The following NR6A1 variants were observed in gnomAD, a reference collection of about 807,000 sequenced individuals.
The protein encoded by NR6A1 is retinoic acid receptor-related testis-associated receptor.
A neutral mutation model predicts 59.1 loss-of-function variants in NR6A1; 7 were observed. The observed-to-expected ratio is 0.12, with a 90% CI of 0.07 to 0.22. NR6A1 has a LOEUF of 0.22. NR6A1 is among the 10% of genes least tolerant of loss of function. NR6A1 has a pLI of 1.00. For synonymous variants in NR6A1, 243 were observed against 236.1 expected, an observed-to-expected ratio of 1.03 and a Z score of -0.27; for missense variants, 468 against 611.6, an observed-to-expected ratio of 0.77 and a Z score of 2.48.
chr9:124,641,538 C>CA (rs929122747), intron 2 of NR6A1, among the ~76,000 whole-genome samples: 1 of 150,020 alleles, frequency 6.7e-6, no homozygotes, highest in Non-Finnish European at 1.5e-5. Context: ...TCCATCTCTA[C>CA]AAAAAATAAA....
rs1834515611 is a variant in NR6A1 at position 124,573,769 on chromosome 9, A to G, written c.143-19199T>C. ...TACATATACAATGGAATAAGCAATCACTTAAAAAGGATAAGACACATCTCA... is the reference window on the plus strand; with the variant it reads ...TACATATACAATGGAATAAGCAATCGCTTAAAAAGGATAAGACACATCTCA... On this transcript the variant is annotated intron_variant, in intron 2 of 9. Coordinates refer to ENST00000487099, the MANE Select transcript of NR6A1 (RefSeq NM_033334.4). 2.0e-5 allele frequency among the ~76,000 whole-genome samples: 3 copies of G among 152,342 alleles called. No homozygotes were observed. In the South Asian group the frequency reaches 6.2e-4, roughly 32 times the overall value.
In NR6A1 at chr9:124,720,065, G is replaced by C. The variant is rs150381834; in HGVS notation, c.142+13243C>G. On this transcript the variant is annotated intron_variant, in intron 2 of 9. Coordinates refer to ENST00000487099, the MANE Select transcript of NR6A1 (RefSeq NM_033334.4). Reference sequence around the variant, plus strand: ...CTCTTGAACGTTTTTGGGTTTTTTTGAAATGCAGTTTTGCTCTTGTCACCC... The same window carrying C: ...CTCTTGAACGTTTTTGGGTTTTTTTCAAATGCAGTTTTGCTCTTGTCACCC... Among the ~76,000 whole-genome samples the C allele has an allele frequency of 5.5e-3, 841 of 152,058 alleles. 7 individuals are homozygous for C. Among genetic ancestry groups the C allele is most frequent in the African/African-American group, 0.019 (799 of 41,494 alleles).
At chr9:124,753,402 A>G (rs2131178602) in intron 1 of NR6A1, among the ~76,000 whole-genome samples, 1 of 152,334 alleles carries the variant, frequency 6.6e-6, no homozygotes, top group East Asian at 1.9e-4. Context: ...TTTTAAAATA[A>G]ATGTTGGGTT....
intron 2 of NR6A1, among the ~76,000 whole-genome samples, chr9:124,680,813 T>C (rs1451854633): frequency 6.6e-6 from 1 of 152,224 alleles, no homozygotes; most frequent in Non-Finnish European, 1.5e-5. Flanking sequence ...GTCAAAACTA[T>C]TTCTATACTA....
chr9:124,735,883 C>A (rs1489517671), intron 1 of NR6A1, among the ~76,000 whole-genome samples: 1 of 152,164 alleles, frequency 6.6e-6, no homozygotes, highest in Non-Finnish European at 1.5e-5. Context: ...TCTTTAGGGT[C>A]TCTCTTATAA....
At chr9:124,769,528 T>C (rs1270486211) in intron 1 of NR6A1, among the ~76,000 whole-genome samples, 2 of 152,254 alleles carry the variant, frequency 1.3e-5, no homozygotes, top group Admixed American at 1.3e-4. Context: ...CAGGTCACTG[T>C]CCTGATTGAG....
rs532338656 is a variant in NR6A1 at position 124,560,926 on chromosome 9, C to G, written c.143-6356G>C. Among the ~76,000 whole-genome samples, 12 of 152,174 alleles carry G rather than the reference C, an allele frequency of 7.9e-5. No individual in the cohort carries two copies. The East Asian group carries it at 2.3e-3, about 29-fold the overall frequency. Reference sequence around the variant, plus strand: ...GACTGGGATTAGGTGAACAGACATACACTGCAATCAAGGGGACAGGCTTGG... The same window carrying G: ...GACTGGGATTAGGTGAACAGACATAGACTGCAATCAAGGGGACAGGCTTGG... On this transcript the variant is annotated intron_variant, in intron 2 of 9. Transcript: ENST00000487099.
chr9:124,540,287 C>T, intron 4 of NR6A1, 100 bp from the exon 5 acceptor site: 1 of 1,305,014 alleles, frequency 7.7e-7, no homozygotes, highest in Non-Finnish European at 1.0e-6. Context: ...TTCCCAGAAA[C>T]CTAGGTTCCC....
intron 2 of NR6A1, among the ~76,000 whole-genome samples, chr9:124,613,614 G>A (rs1222968385): frequency 6.6e-6 from 1 of 152,116 alleles, no homozygotes; most frequent in African/African-American, 2.4e-5. Flanking sequence ...TGAGGCGTGA[G>A]CAAGCCACTT....
chr9:124,533,739 T>A (rs1833165644), intron 7 of NR6A1, among the ~76,000 whole-genome samples: 1 of 151,744 alleles, frequency 6.6e-6, no homozygotes, highest in African/African-American at 2.4e-5. Context: ...AAGCTCCACC[T>A]CCCTGGGTTC....
At chr9:124,633,727 A>C (rs1836514082) in intron 2 of NR6A1, among the ~76,000 whole-genome samples, 2 of 152,296 alleles carry the variant, frequency 1.3e-5, no homozygotes, top group East Asian at 3.9e-4. Flanking sequence ...CAATTGCCCC[A>C]GACAGAAAAA....
chr9:124,692,480 A>T (rs749545428), intron 2 of NR6A1: 1 of 532,390 alleles, frequency 1.9e-6, no homozygotes, highest in South Asian at 1.4e-5. Flanking sequence ...GACTCCAAGG[A>T]ACATTCAACG....
intron 2 of NR6A1, among the ~76,000 whole-genome samples, chr9:124,582,221 C>T (rs1265417511): frequency 2.0e-5 from 3 of 152,150 alleles, no homozygotes; most frequent in Non-Finnish European, 4.4e-5. Context: ...GATACATATA[C>T]ACCATGGAAT....
In NR6A1 at chr9:124,744,419, GATCTAA is replaced by G. The variant is rs1840264337; in HGVS notation, c.101-11076_101-11071del. ...TAGCTACTATTGTCTCCATTTTATA[GATCTAA>G]ACAGATCATTGTACTCCATTACATG... On this transcript the variant is annotated intron_variant, in intron 1 of 9. Transcript: ENST00000487099. Among the ~76,000 whole-genome samples the G allele has an allele frequency of 2.0e-5, 3 of 152,242 alleles. No homozygotes were observed. In the South Asian group the frequency reaches 6.2e-4, roughly 32 times the overall value.
At chr9:124,559,710 G>A (rs1293656726) in intron 2 of NR6A1, among the ~76,000 whole-genome samples, 1 of 152,198 alleles carries the variant, frequency 6.6e-6, no homozygotes, top group Non-Finnish European at 1.5e-5. Flanking sequence ...CTGGAACACA[G>A]AGGTTGCAGT....
At chr9:124,539,975 G>A in intron 5 of NR6A1, 58 bp downstream of exon 5, 1 of 1,496,906 alleles carries the variant, frequency 6.7e-7, no homozygotes, top group African/African-American at 1.6e-5. Context: ...GTTTTCTGTA[G>A]CTCTCCCTTT....
chr9:124,646,135 G>T (rs1836921697), intron 2 of NR6A1, among the ~76,000 whole-genome samples: 1 of 152,108 alleles, frequency 6.6e-6, no homozygotes, highest in Admixed American at 6.5e-5. Flanking sequence ...GAAAGTTACA[G>T]CACTGAATGC....
intron 2 of NR6A1, among the ~76,000 whole-genome samples, chr9:124,587,750 G>C (rs999530969): frequency 2.0e-5 from 3 of 152,126 alleles, no homozygotes; most frequent in African/African-American, 7.2e-5. Flanking sequence ...CACTAAGACC[G>C]CAAATTATGA....
rs987816400 is a variant in NR6A1 at position 124,628,153 on chromosome 9, G to A, written c.143-73583C>T. Among the ~76,000 whole-genome samples, 85 of 151,828 alleles carry A rather than the reference G, an allele frequency of 5.6e-4. 1 individual carries two copies. Among genetic ancestry groups the A allele is most frequent in the African/African-American group, 1.7e-3 (71 of 41,430 alleles). On this transcript the variant is annotated intron_variant, in intron 2 of 9. Transcript: ENST00000487099. ...AGTGATTCTCCTGCCTCAGCCTCCC[G>A]AGTAGCTGGGACTACAGGCGCACGC... is the stretch of plus-strand genomic sequence containing the variant.
Sources: gnomAD v4.1 joint callset for allele counts (sites outside exome capture counted in the v4.1 genomes callset) on GRCh38, gnomAD v4.1.1 for gene constraint, MANE v1.5 for transcripts, NCBI Gene and HGNC (gene_info 2026-07-23, HGNC 2026-07-21) for gene names.